STPG2: variants seen among roughly 807,000 people sequenced by gnomAD.
The protein encoded by STPG2 is sperm tail PG-rich repeat containing 2, also known as sperm-tail PG-rich repeat-containing protein 2.
A neutral mutation model predicts 54.2 loss-of-function variants in STPG2; 56 were observed. The observed-to-expected ratio is 1.03, with a 90% CI of 0.83 to 1.29. STPG2 has a LOEUF of 1.29. Ranked by LOEUF, STPG2 falls within the 50% of genes most tolerant of loss-of-function variation. STPG2 has a pLI of 0.00. For synonymous variants in STPG2, 200 were observed against 181.8 expected (o/e 1.10, Z -0.81); for missense variants, 596 against 544.9 (o/e 1.09, Z -0.93).
At chr4:97,674,201 T>C (rs912203339) in intron 10 of STPG2, among the ~76,000 whole-genome samples, 4 of 152,238 alleles carry the variant, frequency 2.6e-5, no homozygotes, top group Middle Eastern at 3.4e-3. Flanking sequence ...CAAAAGCTCT[T>C]TTGAGGGCAA....
intron 5 of STPG2, among the ~76,000 whole-genome samples, chr4:98,027,463 T>C (rs1736461204): frequency 6.6e-6 from 1 of 152,142 alleles, no homozygotes; most frequent in African/African-American, 2.4e-5. Flanking sequence ...CAAATTCACA[T>C]CATCTGAAAA....
At chr4:97,750,688 A>G (rs1725557909) in intron 9 of STPG2, among the ~76,000 whole-genome samples, 1 of 151,762 alleles carries the variant, frequency 6.6e-6, no homozygotes, top group Non-Finnish European at 1.5e-5. Context: ...TAACTTCAGA[A>G]CAATATTTTA....
intron 9 of STPG2, among the ~76,000 whole-genome samples, chr4:97,713,840 A>T (rs1724207017): frequency 6.6e-6 from 1 of 151,984 alleles, no homozygotes; most frequent in Non-Finnish European, 1.5e-5. Flanking sequence ...GGGAGACGTA[A>T]TTTTTTTTCT....
chr4:97,867,683 A>G (rs1729842284), intron 8 of STPG2, among the ~76,000 whole-genome samples: 1 of 152,056 alleles, frequency 6.6e-6, no homozygotes. Flanking sequence ...TTGGCAGTCC[A>G]GGACTGATGC....
At chr4:97,817,903 T>C (rs1185162048) in intron 9 of STPG2, among the ~76,000 whole-genome samples, 1 of 151,856 alleles carries the variant, frequency 6.6e-6, no homozygotes, top group Non-Finnish European at 1.5e-5. Context: ...GTCTTTTATA[T>C]GCATCAGATC....
intron 8 of STPG2, among the ~76,000 whole-genome samples, chr4:97,918,310 T>C (rs1262797290): frequency 2.0e-5 from 3 of 152,106 alleles, no homozygotes; most frequent in Non-Finnish European, 4.4e-5. Flanking sequence ...TCCAGATAAA[T>C]TCAGGATTCT....
intron 10 of STPG2, among the ~76,000 whole-genome samples, chr4:97,609,708 G>A (rs542297027): frequency 4.3e-4 from 65 of 151,832 alleles, no homozygotes; most frequent in South Asian, 2.9e-3. Flanking sequence ...CATATATTTC[G>A]AAATTAAAAT....
intron 5 of STPG2, among the ~76,000 whole-genome samples, chr4:98,066,442 A>T (rs185244394): frequency 2.1e-4 from 32 of 152,274 alleles, no homozygotes; most frequent in Non-Finnish European, 3.7e-4. Flanking sequence ...TACAAAAATT[A>T]GCCAGGTATG....
At chr4:97,529,162 T>C (rs1731356790) in intron 4 of STPG2, among the ~76,000 whole-genome samples, 1 of 152,226 alleles carries the variant, frequency 6.6e-6, no homozygotes, top group Non-Finnish European at 1.5e-5. Flanking sequence ...ATTCCATCAA[T>C]ACCTAGTTTA....
intron 9 of STPG2, among the ~76,000 whole-genome samples, chr4:97,801,915 G>A (rs1050399317): frequency 1.3e-5 from 2 of 152,100 alleles, no homozygotes; most frequent in South Asian, 2.1e-4. Context: ...ACAATGTAAC[G>A]TTAACTTTAC....
intron 8 of STPG2, among the ~76,000 whole-genome samples, chr4:97,921,852 G>T (rs1732121578): frequency 6.6e-6 from 1 of 152,094 alleles, no homozygotes; most frequent in Non-Finnish European, 1.5e-5. Context: ...TTAAAAAGAA[G>T]GAAATCCTGT....
chr4:98,082,083 T>C (rs2110116971), intron 5 of STPG2, among the ~76,000 whole-genome samples: 1 of 152,248 alleles, frequency 6.6e-6, no homozygotes. Context: ...ACCAATATAC[T>C]TCCAACCCAC....
intron 8 of STPG2, among the ~76,000 whole-genome samples, chr4:97,899,527 A>C (rs1378640720): frequency 2.0e-5 from 3 of 151,938 alleles, no homozygotes; most frequent in Non-Finnish European, 4.4e-5. Flanking sequence ...AATTCTAAGC[A>C]AAAAGAACAA....
At chr4:98,049,438 A>G (rs1737243396) in intron 5 of STPG2, among the ~76,000 whole-genome samples, 1 of 152,200 alleles carries the variant, frequency 6.6e-6, no homozygotes, top group South Asian at 2.1e-4. Flanking sequence ...TGGTTTATGT[A>G]AAAAGAACCC....
intron 10 of STPG2, among the ~76,000 whole-genome samples, chr4:97,652,603 G>A (rs939976965): frequency 6.6e-6 from 1 of 151,718 alleles, no homozygotes; most frequent in East Asian, 1.9e-4. Flanking sequence ...TCTTAGCACT[G>A]TACACTGGGG....
At chr4:97,954,240 A>T (rs1439912476) in intron 7 of STPG2, among the ~76,000 whole-genome samples, 1 of 152,242 alleles carries the variant, frequency 6.6e-6, no homozygotes, top group Non-Finnish European at 1.5e-5. Context: ...GACCTCATTG[A>T]GTTGTAGAAG....
rs553905463 is a variant in STPG2, at chr4:97,538,191, G to A, written c.462+174508C>T. Among the ~76,000 whole-genome samples, 5 of 152,324 alleles carry A rather than the reference G, an allele frequency of 3.3e-5. No individual in the cohort carries two copies. The East Asian group carries it at 9.7e-4, about 29-fold the overall frequency. ...CACCAGCAATGGAACAAAGCTGGACGGAGAATGACTTTGACGAGTTGAGAG... is the reference window on the plus strand; with the variant it reads ...CACCAGCAATGGAACAAAGCTGGACAGAGAATGACTTTGACGAGTTGAGAG... On this transcript the variant is annotated intron_variant, in intron 4 of 4. Transcript: ENST00000522676.
chr4:97,625,429 C>T (rs1001807040), intron 10 of STPG2, among the ~76,000 whole-genome samples: 3 of 152,174 alleles, frequency 2.0e-5, no homozygotes, highest in Non-Finnish European at 4.4e-5. Flanking sequence ...TCTGCCTCAG[C>T]CTCCCGAGTA....
At chr4:97,739,011 A>G (rs1279661922) in intron 9 of STPG2, among the ~76,000 whole-genome samples, 2 of 151,826 alleles carry the variant, frequency 1.3e-5, no homozygotes, top group Non-Finnish European at 2.9e-5. Context: ...ATAGCAAACT[A>G]TCTCTCAGAC....
Sources: allele counts gnomAD v4.1 joint callset (sites outside exome capture counted in the v4.1 genomes callset), GRCh38; gene constraint gnomAD v4.1.1; transcripts MANE v1.5; gene names NCBI Gene and HGNC (gene_info 2026-07-23, HGNC 2026-07-21).